KLC1: variants seen among roughly 807,000 people sequenced by gnomAD.
KLC1 encodes kinesin 2 60/70kDa.
KLC1 carries 30 observed loss-of-function variants against 84.2 expected under a neutral mutation model. The observed-to-expected ratio is 0.36, with a 90% CI of 0.27 to 0.48. The LOEUF (loss-of-function observed/expected upper bound fraction) is 0.48, where lower values mean the gene tolerates loss of function less well. Among genes scored for constraint, KLC1 ranks in the 20% least tolerant of loss-of-function variants. The probability of loss-of-function intolerance (pLI) is 0.99; values close to 1 mark genes in which losing one functional copy is unlikely to be tolerated. For synonymous variants in KLC1, 289 were observed against 293.3 expected (o/e 0.99, Z 0.15); for missense variants, 499 against 805.4 (o/e 0.62, Z 4.60).
At chr14:103,659,779 A>G (rs75389715) in intron 3 of KLC1, among the ~76,000 whole-genome samples, 2,463 of 152,124 alleles carry the variant, frequency 0.016, 63 homozygotes, top group African/African-American at 0.056. Context: ...GGGCTACTGT[A>G]ACAAATACCA....
chr14:103,674,364 C>G (rs907871494), intron 9 of KLC1, among the ~76,000 whole-genome samples: 2 of 151,538 alleles, frequency 1.3e-5, no homozygotes, highest in African/African-American at 4.8e-5. Context: ...TAGAAACTTG[C>G]GTGAGTGTTC....
chr14:103,688,326 T>C (rs1355081461), intron 14 of KLC1, among the ~76,000 whole-genome samples: 1 of 152,174 alleles, frequency 6.6e-6, no homozygotes, highest in African/African-American at 2.4e-5. Context: ...GTTTTTTGTA[T>C]TTTTAGTAGA....
In KLC1 at chr14:103,671,009, T is replaced by C. The variant is rs568578723; in HGVS notation, c.987+726T>C. ...AGTCTGATGCTGTCCAAGCCTGATATGGCCTAGAAGTGACTCTGATTGAAG... is the reference window on the plus strand; with the variant it reads ...AGTCTGATGCTGTCCAAGCCTGATACGGCCTAGAAGTGACTCTGATTGAAG... On this transcript the variant is annotated intron_variant, in intron 7 of 16. Transcript: ENST00000334553. Among the ~76,000 whole-genome samples the C allele has an allele frequency of 5.9e-5, 9 of 152,186 alleles. No individual in the cohort carries two copies. The South Asian group carries it at 8.3e-4, about 14-fold the overall frequency.
intron 1 of KLC1, among the ~76,000 whole-genome samples, chr14:103,653,990 G>T (rs2078660114): frequency 6.6e-6 from 1 of 152,140 alleles, no homozygotes; most frequent in African/African-American, 2.4e-5. Context: ...CCTGGGCCTG[G>T]CCCTGGTGGT....
At chr14:103,685,043 C>A (rs1418824142) in intron 13 of KLC1, 3 of 1,539,400 alleles carry the variant, frequency 1.9e-6, no homozygotes, top group Non-Finnish European at 2.6e-6. Context: ...CATGGTGAGT[C>A]CGAGCGGGCG....
At chr14:103,678,453 G>C (rs1019230395) in intron 12 of KLC1, among the ~76,000 whole-genome samples, 1 of 152,064 alleles carries the variant, frequency 6.6e-6, no homozygotes, top group Non-Finnish European at 1.5e-5. Flanking sequence ...GGGAGGCTGA[G>C]GTGGGAGGAT....
At chr14:103,650,642 G>A (rs999822688) in intron 1 of KLC1, among the ~76,000 whole-genome samples, 2 of 148,704 alleles carry the variant, frequency 1.3e-5, no homozygotes, top group African/African-American at 5.0e-5. Flanking sequence ...GCAGTGGTGC[G>A]ATCTCAGCTC....
chr14:103,664,232 A>G (rs966874142), intron 5 of KLC1, among the ~76,000 whole-genome samples: 3 of 152,090 alleles, frequency 2.0e-5, no homozygotes, highest in Admixed American at 2.0e-4. Context: ...GCTCACCGCA[A>G]CCTCTGCTTC....
intron 3 of KLC1, among the ~76,000 whole-genome samples, chr14:103,659,021 A>T (rs2079060371): frequency 6.7e-6 from 1 of 150,272 alleles, no homozygotes; most frequent in Non-Finnish European, 1.5e-5. Context: ...TTTGTACCCC[A>T]GGCTGGAGTG....
chr14:103,692,433 G>A lies in KLC1; in HGVS notation c.1848+8G>A. On this transcript the variant is annotated splice_region_variant and intron_variant, in intron 15 of 16. Coordinates refer to ENST00000334553, the MANE Select transcript of KLC1 (RefSeq NM_001394837.1). ...GCTGAAGATCGCTTTCAAGTAAGGA[G>A]CCTACCCCGAATTGTGTCCTAGGCT... is the stretch of plus-strand genomic sequence containing the variant. 1 of 1,536,436 alleles carries A rather than the reference G, an allele frequency of 6.5e-7. No individual in the cohort carries two copies. The highest frequency in any genetic ancestry group is 1.4e-5 in the African/African-American group (1 of 73,158).
At chr14:103,680,772 A>G (rs1391733922) in intron 13 of KLC1, among the ~76,000 whole-genome samples, 1 of 152,214 alleles carries the variant, frequency 6.6e-6, no homozygotes, top group Non-Finnish European at 1.5e-5. Flanking sequence ...TCGTATCTGC[A>G]TGCTTCGTAT....
chr14:103,657,832 A>G (rs1247186706), intron 3 of KLC1, 56 bp downstream of exon 3: 1 of 1,272,376 alleles, frequency 7.9e-7, no homozygotes, highest in Non-Finnish European at 1.1e-6. Flanking sequence ...TCACTGGGAA[A>G]GTCATAGAGG....
Position 103,699,010 on chromosome 14 carries a change from C to A in KLC1, c.1849-1645C>A, listed in dbSNP as rs936385251. ...CCAAGGGCTGGGGAAACACGTTCGT[C>A]CCAGAACCTGAGAAACAGGAAGCAG... On this transcript the variant is annotated intron_variant, in intron 15 of 16. Transcript: ENST00000334553. The A allele has an allele frequency of 6.3e-7, 1 of 1,587,386 alleles. No homozygotes were observed. Among genetic ancestry groups the A allele is most frequent in the Admixed American group, 1.8e-5 (1 of 56,586 alleles).
At chr14:103,688,564 G>A (rs770066378) in intron 14 of KLC1, among the ~76,000 whole-genome samples, 10 of 152,310 alleles carry the variant, frequency 6.6e-5, no homozygotes, top group South Asian at 4.1e-4. Context: ...GCCAGGGTGC[G>A]GGGTGGCCAG....
intron 1 of KLC1, among the ~76,000 whole-genome samples, chr14:103,639,473 C>G (rs767810023): frequency 6.6e-6 from 1 of 151,796 alleles, no homozygotes; most frequent in African/African-American, 2.4e-5. Flanking sequence ...GACAGGGTTT[C>G]GCTGTGTCAC....
At chr14:103,670,546 A>ACC (rs897104811) in intron 7 of KLC1, among the ~76,000 whole-genome samples, 1 of 151,976 alleles carries the variant, frequency 6.6e-6, no homozygotes, top group African/African-American at 2.4e-5. Context: ...CATGTTGGCC[A>ACC]GGATGTTCTC....
In KLC1 at chr14:103,693,647, G is replaced by A. The variant is rs1007792689; in HGVS notation, c.1848+1222G>A. ...CCAGCAGGGCTAGGTAACCTGTCTT[G>A]GGAGTGTGAGACCGCCCCGCCCTGC... is the stretch of plus-strand genomic sequence containing the variant. On this transcript the variant is annotated intron_variant, in intron 15 of 16. Transcript: ENST00000334553. The surrounding 1 kb of genome is among the most constrained non-coding windows in gnomAD (Gnocchi z 5.1). 2.0e-6 allele frequency: 3 copies of A among 1,534,028 alleles called. No individual in the cohort carries two copies. The highest frequency in any genetic ancestry group is 1.4e-5 in the African/African-American group (1 of 72,996).
chr14:103,635,134 A>C (rs2076955370), intron 1 of KLC1, among the ~76,000 whole-genome samples: 1 of 152,252 alleles, frequency 6.6e-6, no homozygotes, highest in Admixed American at 6.5e-5. Context: ...ATATGGAGCA[A>C]ACATGTTAAG....
At chr14:103,653,514 G>A (rs1454063465) in intron 1 of KLC1, among the ~76,000 whole-genome samples, 2 of 152,180 alleles carry the variant, frequency 1.3e-5, no homozygotes, top group African/African-American at 2.4e-5. Flanking sequence ...TTGAGACAGG[G>A]TTTCGCCGTG....
Sources: allele counts gnomAD v4.1 joint callset (sites outside exome capture counted in the v4.1 genomes callset), GRCh38; gene constraint gnomAD v4.1.1; non-coding constraint Gnocchi (gnomAD v3.1); transcripts MANE v1.5; gene names NCBI Gene and HGNC (gene_info 2026-07-23, HGNC 2026-07-21).